CCDC138: variants seen among roughly 807,000 people sequenced by gnomAD.
CCDC138 encodes the protein coiled-coil domain-containing protein 138.
In CCDC138, 66 loss-of-function variants were observed where a neutral mutation model predicts 82.3. That is an observed-to-expected ratio of 0.80 (90% CI 0.66 to 0.98). The LOEUF is 0.98. Among genes scored for constraint, CCDC138 ranks in the 50% least tolerant of loss-of-function variants. The probability of loss-of-function intolerance (pLI) is 0.00; values close to 1 mark genes in which losing one functional copy is unlikely to be tolerated. For missense variants in CCDC138, 816 were observed against 758.9 expected (o/e 1.08, Z -0.88); for synonymous variants, 297 against 265.4 (o/e 1.12, Z -1.16).
At chr2:108,854,480 TTAGC>T (rs1380539247) in intron 12 of CCDC138, among the ~76,000 whole-genome samples, 5 of 152,186 alleles carry the variant, frequency 3.3e-5, no homozygotes, top group African/African-American at 1.2e-4. Context: ...CATAAAGTCT[TTAGC>T]TACTATTGTT....
intron 5 of CCDC138, among the ~76,000 whole-genome samples, chr2:108,796,171 C>A (rs1254998215): frequency 1.3e-5 from 2 of 152,110 alleles, no homozygotes; most frequent in African/African-American, 4.8e-5. Context: ...GCCTCAGCCT[C>A]CCGAGTAGCT....
chr2:108,799,510 C>CATCT (rs1463305964), intron 6 of CCDC138, among the ~76,000 whole-genome samples: 1 of 152,214 alleles, frequency 6.6e-6, no homozygotes, highest in Non-Finnish European at 1.5e-5. Context: ...TGTCCCAGTA[C>CATCT]ATCTGCCTTT....
intron 2 of CCDC138, chr2:108,883,231 A>G (rs1696340140): frequency 6.6e-6 from 1 of 152,232 alleles, no homozygotes; most frequent in Non-Finnish European, 1.5e-5. Context: ...ATCCCTGAAA[A>G]TATTTCATGG....
chr2:108,791,505 G>A, intron 3 of CCDC138, 170 bp from the exon 4 acceptor site: 1 of 710,828 alleles, frequency 1.4e-6, no homozygotes, highest in Non-Finnish European at 2.5e-6. Flanking sequence ...TCAATGATCA[G>A]TGACTGTTAG....
chr2:108,797,467 A>G (rs531350501), intron 5 of CCDC138, among the ~76,000 whole-genome samples: 1 of 152,324 alleles, frequency 6.6e-6, no homozygotes, highest in East Asian at 1.9e-4. Context: ...AGCCAGTCTT[A>G]AGTGAGTTGA....
intron 10 of CCDC138, among the ~76,000 whole-genome samples, chr2:108,833,372 C>T (rs574661463): frequency 6.6e-6 from 1 of 152,164 alleles, no homozygotes; most frequent in Non-Finnish European, 1.5e-5. Flanking sequence ...TCTCAACTTC[C>T]TGCTCAGTAC....
Position 108,786,867 on chromosome 2 carries a change from G to C in CCDC138, c.45G>C (p.Val15=). 2 of 1,584,890 alleles carry C rather than the reference G, an allele frequency of 1.3e-6. No homozygotes were observed. Among genetic ancestry groups the C allele is most frequent in the South Asian group, 2.3e-5 (2 of 87,386 alleles). The change falls in exon 1 of 15, where the codon GTG becomes GTC. Residue 15 remains valine, a synonymous_variant. Coordinates refer to ENST00000295124, the MANE Select transcript of CCDC138 (RefSeq NM_144978.3). ...VVKPPGQDLV[V]ESLKSRYGLG... ...AGCCACCGGGGCAGGATTTAGTAGT[G>C]GAGAGTCTCAAAAGCCGCTACGGAC... is the stretch of plus-strand genomic sequence containing the variant.
intron 7 of CCDC138, among the ~76,000 whole-genome samples, chr2:108,806,780 A>C (rs146691813): frequency 6.6e-6 from 1 of 152,226 alleles, no homozygotes; most frequent in African/African-American, 2.4e-5. Flanking sequence ...ATAGTAATTT[A>C]TGCTAACACT....
chr2:108,840,631 T>C (rs1429363372), intron 11 of CCDC138, among the ~76,000 whole-genome samples: 1 of 152,190 alleles, frequency 6.6e-6, no homozygotes, highest in African/African-American at 2.4e-5. Context: ...AGTATTCTCT[T>C]ATCCTTTTGA....
intron 14 of CCDC138, among the ~76,000 whole-genome samples, chr2:108,874,922 AT>A (rs11452939): frequency 3.1e-4 from 45 of 147,296 alleles, no homozygotes; most frequent in African/African-American, 9.7e-4. Flanking sequence ...AATTCATGGG[AT>A]TTTTTTTTTT....
rs1696010795 is a variant in CCDC138, at chr2:108,876,238, C to CT, written c.1983_1984insT (p.Ser662Ter). 3.7e-6 allele frequency: 6 copies of CT among 1,609,414 alleles called. No homozygotes were observed. In the South Asian group the frequency reaches 6.6e-5, roughly 18 times the overall value. On this transcript the variant is annotated frameshift_variant, in exon 15 of 15. Transcript: ENST00000295124. LOFTEE classifies it high-confidence loss of function. ...TAACAAAATGTAACTCCCTGGTCTC[C>CT]AGTGCAAGCCCTTAGACTGGCTAAT...
intron 7 of CCDC138, among the ~76,000 whole-genome samples, chr2:108,806,762 T>C (rs1435681654): frequency 6.6e-6 from 1 of 152,244 alleles, no homozygotes; most frequent in Non-Finnish European, 1.5e-5. Flanking sequence ...TTTCTGTGAC[T>C]GACTTACATA....
chr2:108,846,532 C>G (rs1189980059), intron 11 of CCDC138, among the ~76,000 whole-genome samples: 1 of 150,810 alleles, frequency 6.6e-6, no homozygotes, highest in Non-Finnish European at 1.5e-5. Context: ...AAAAAAAAAC[C>G]TGAGTGTGGT....
chr2:108,823,934 G>A (rs1164233662), intron 10 of CCDC138, among the ~76,000 whole-genome samples: 4 of 151,534 alleles, frequency 2.6e-5, no homozygotes, highest in South Asian at 2.1e-4. Context: ...CCAAGATCGC[G>A]CCACTGCACT....
chr2:108,829,974 G>C (rs1337421728), intron 10 of CCDC138, among the ~76,000 whole-genome samples: 1 of 151,368 alleles, frequency 6.6e-6, no homozygotes, highest in Admixed American at 6.6e-5. Flanking sequence ...TAAACACCAA[G>C]TTTATAGCAA....
intron 12 of CCDC138, among the ~76,000 whole-genome samples, chr2:108,849,009 G>A (rs1439452891): frequency 6.6e-6 from 1 of 152,084 alleles, no homozygotes; most frequent in African/African-American, 2.4e-5. Context: ...CATGAGCCTG[G>A]TAAGGGGATA....
At chr2:108,840,233 CAA>C (rs1170878302) in intron 11 of CCDC138, among the ~76,000 whole-genome samples, 3 of 152,168 alleles carry the variant, frequency 2.0e-5, no homozygotes, top group Admixed American at 1.3e-4. Flanking sequence ...TTTATATTAA[CAA>C]ATTCTATTTG....
intron 10 of CCDC138, among the ~76,000 whole-genome samples, chr2:108,821,452 A>C (rs1685687977): frequency 6.6e-6 from 1 of 152,230 alleles, no homozygotes; most frequent in South Asian, 2.1e-4. Context: ...TTATTGATGT[A>C]AAATAGTTAT....
intron 3 of CCDC138, 190 bp from the exon 4 acceptor site, chr2:108,791,485 T>C: frequency 1.6e-6 from 1 of 620,424 alleles, no homozygotes; most frequent in Non-Finnish European, 2.9e-6. Flanking sequence ...AAGATGCTTG[T>C]AGTGGGTTAT....
Sources: gnomAD v4.1 joint callset for allele counts (sites outside exome capture counted in the v4.1 genomes callset) on GRCh38, gnomAD v4.1.1 for gene constraint, MANE v1.5 for transcripts, NCBI Gene and HGNC (gene_info 2026-07-23, HGNC 2026-07-21) for gene names.